The following RIN3 variants were observed in gnomAD, a reference collection of about 807,000 sequenced individuals.
The protein encoded by RIN3 is Ras and Rab interactor 3, also known as RAB5 interacting protein 3.
Under a neutral mutation model 76.3 loss-of-function variants are expected in RIN3, and 54 were observed. The ratio of observed to expected loss-of-function variants is 0.71; its 90% CI spans 0.57 to 0.89. RIN3 has a LOEUF of 0.89. Ranked by LOEUF, RIN3 falls within the 40% of genes least tolerant of loss-of-function variation. The probability of loss-of-function intolerance (pLI) is 0.00; values close to 1 mark genes in which losing one functional copy is unlikely to be tolerated. For synonymous variants in RIN3, 576 were observed against 564.0 expected, an observed-to-expected ratio of 1.02 and a Z score of -0.30; for missense variants, 1,256 against 1,322.1, an observed-to-expected ratio of 0.95 and a Z score of 0.78.
chr14:92,564,679 A>G (rs544139143), intron 2 of RIN3, among the ~76,000 whole-genome samples: 26 of 152,318 alleles, frequency 1.7e-4, no homozygotes, highest in African/African-American at 6.0e-4. Flanking sequence ...GCATGGGGGA[A>G]TCCTAAATCA....
At chr14:92,617,027 G>T (rs10146142) in intron 4 of RIN3, among the ~76,000 whole-genome samples, 48,331 of 152,060 alleles carry the variant, frequency 0.32, 8,629 homozygotes, top group Middle Eastern at 0.43. Flanking sequence ...GGCCAGGCAC[G>T]GTGGCCCACA....
intron 2 of RIN3, among the ~76,000 whole-genome samples, chr14:92,563,834 C>T (rs541491225): frequency 5.9e-5 from 9 of 152,270 alleles, no homozygotes; most frequent in South Asian, 2.1e-4. Context: ...GGCAATATGT[C>T]CCTTTATTCC....
intron 1 of RIN3, among the ~76,000 whole-genome samples, chr14:92,544,130 A>G (rs1897191900): frequency 6.6e-6 from 1 of 152,024 alleles, no homozygotes; most frequent in South Asian, 2.1e-4. Context: ...TGAGTGGCAG[A>G]GTCTCCCTGC....
At chr14:92,520,330 A>G (rs930728632) in intron 1 of RIN3, among the ~76,000 whole-genome samples, 1 of 151,894 alleles carries the variant, frequency 6.6e-6, no homozygotes, top group Non-Finnish European at 1.5e-5. Flanking sequence ...GGCTCTACAC[A>G]CAGGCCTGGA....
In RIN3 at chr14:92,651,978, C is replaced by T. The variant is rs1331384389; in HGVS notation, c.929C>T (p.Pro310Leu). The change falls in exon 6 of 10, where the codon CCT becomes CTT. Residue 310 changes from proline (P) to leucine (L), a missense_variant. Around this residue, in one of 3 missense-constraint regions of RIN3, gnomAD observed 610 missense variants for 626.4 expected, o/e 0.97. Transcript: ENST00000216487. ...LPALAPAPACPLPTSPPVPAP... is the reference protein window; with the variant it reads ...LPALAPAPACLLPTSPPVPAP... Reference sequence around the variant, plus strand: ...GCTCTTGCCCCCGCCCCTGCCTGTCCTTTGCCCACCTCTCCCCCAGTGCCT... The same window carrying T: ...GCTCTTGCCCCCGCCCCTGCCTGTCTTTTGCCCACCTCTCCCCCAGTGCCT... 1.1e-5 allele frequency: 17 copies of T among 1,529,238 alleles called. No homozygotes were observed. Among genetic ancestry groups the T allele is most frequent in the Non-Finnish European group, 1.3e-5 (15 of 1,128,570 alleles). The allele number at this position is 1,529,238 out of a possible 1,614,324, so 94.7% of individuals were successfully genotyped here. A position where few individuals can be genotyped will look rare whatever the true frequency, so the allele number is the denominator to read the frequency against.
intron 1 of RIN3, among the ~76,000 whole-genome samples, chr14:92,538,154 G>C (rs1320160620): frequency 6.6e-6 from 1 of 151,770 alleles, no homozygotes; most frequent in Non-Finnish European, 1.5e-5. Context: ...ATTTTTAGTA[G>C]AGACAGGGTT....
Position 92,648,788 on chromosome 14 carries a change from G to C in RIN3, c.533-2794G>C, listed in dbSNP as rs1432783506. On this transcript the variant is annotated intron_variant, in intron 5 of 9. Transcript: ENST00000216487. This position sits in a 1 kb window ranked among gnomAD's most constrained non-coding sequence, Gnocchi z 4.1. ...GGTCACTGCTGTCACAGGCATATCA[G>C]AGCTGCAGGAACACAGGCGGGGTGG... Among the ~76,000 whole-genome samples, 1 of 152,232 alleles carries C rather than the reference G, an allele frequency of 6.6e-6. No homozygotes were observed. The highest frequency in any genetic ancestry group is 2.4e-5 in the African/African-American group (1 of 41,456).
intron 4 of RIN3, among the ~76,000 whole-genome samples, chr14:92,632,376 G>A (rs865902029): frequency 6.6e-6 from 1 of 152,092 alleles, no homozygotes; most frequent in Non-Finnish European, 1.5e-5. Context: ...CCCTCTAACC[G>A]CTACAGCAAT....
chr14:92,524,357 T>A (rs1230392270), intron 1 of RIN3, among the ~76,000 whole-genome samples: 1 of 152,202 alleles, frequency 6.6e-6, no homozygotes, highest in Non-Finnish European at 1.5e-5. Flanking sequence ...CAAGCTTGTT[T>A]TATGCTGACC....
chr14:92,552,236 TG>T (rs1207354576), intron 1 of RIN3, among the ~76,000 whole-genome samples: 1 of 152,206 alleles, frequency 6.6e-6, no homozygotes, highest in African/African-American at 2.4e-5. Context: ...TGTTGGAGCC[TG>T]GGGCAGAGTT....
chr14:92,531,600 G>A (rs536906364), intron 1 of RIN3, among the ~76,000 whole-genome samples: 24 of 152,322 alleles, frequency 1.6e-4, no homozygotes, highest in East Asian at 3.9e-4. Context: ...CACATGATAC[G>A]CTTATTCCCC....
intron 3 of RIN3, among the ~76,000 whole-genome samples, chr14:92,590,605 C>G (rs1376826094): frequency 6.6e-6 from 1 of 152,174 alleles, no homozygotes; most frequent in Non-Finnish European, 1.5e-5. Flanking sequence ...GAACCATGAG[C>G]CAGTTAAACC....
intron 3 of RIN3, among the ~76,000 whole-genome samples, chr14:92,592,619 A>G (rs1037070371): frequency 6.7e-6 from 1 of 149,940 alleles, no homozygotes; most frequent in African/African-American, 2.5e-5. Flanking sequence ...AATAGTTGTT[A>G]TACTGTATTG....
intron 1 of RIN3, chr14:92,515,061 G>A (rs897289955): frequency 5.3e-6 from 3 of 569,832 alleles, no homozygotes; most frequent in Non-Finnish European, 9.4e-6. Flanking sequence ...GGGGACAGCT[G>A]GAGGTGACTG....
At position 92,651,683 on chromosome 14, in the gene RIN3, C is replaced by A; in HGVS notation, c.634C>A (p.Pro212Thr). 1 of 1,614,086 alleles carries A rather than the reference C, an allele frequency of 6.2e-7. No individual in the cohort carries two copies. The highest frequency in any genetic ancestry group is 8.5e-7 in the Non-Finnish European group (1 of 1,179,980). Residue 212 changes from proline to threonine, a missense_variant, in exon 6 of 10, where the codon CCC (proline) becomes ACC (threonine). By Grantham distance (38) the Pro-to-Thr change is conservative (BLOSUM62 -1). Transcript: ENST00000216487. The stretch of plus-strand genomic sequence containing the variant: ...ATTCCCCCTAGTCTCCAGCCTCAGG[C>A]CCACAGCCCATGACGCAAACTGTGC... ...PGFPLVSSLR[P>T]TAHDANCACE...
intron 7 of RIN3, among the ~76,000 whole-genome samples, chr14:92,667,141 T>C (rs1259541249): frequency 1.3e-5 from 2 of 152,064 alleles, no homozygotes; most frequent in African/African-American, 2.4e-5. Context: ...TATGGAATAA[T>C]GGGCCTTGTG....
chr14:92,569,636 G>A (rs1432447645), intron 2 of RIN3, among the ~76,000 whole-genome samples: 1 of 151,384 alleles, frequency 6.6e-6, no homozygotes, highest in Non-Finnish European at 1.5e-5. Context: ...CAGGGTCCAT[G>A]TCCGAACAAA....
rs368679836 is a variant in RIN3 at position 92,652,464 on chromosome 14, C to T, written c.1415C>T (p.Ser472Leu). 7.2e-5 allele frequency: 116 copies of T among 1,614,014 alleles called. No homozygotes were observed. Among genetic ancestry groups the T allele is most frequent in the African/African-American group, 1.1e-4 (8 of 74,916 alleles). ...RKKRISRQLA[S>L]TLPAPLENAE... ...AAACGGATCTCTCGACAACTGGCCT[C>T]GACCCTCCCAGCTCCCTTAGAGAAC... Residue 472 changes from serine to leucine, a missense_variant, in exon 6 of 10, where the codon TCG (serine) becomes TTG (leucine). By Grantham distance (145) the Ser-to-Leu change is moderately radical. This residue lies in a region of RIN3 where 428 missense variants were observed against 521.2 expected (regional missense o/e 0.82). Coordinates refer to ENST00000216487, the MANE Select transcript of RIN3 (RefSeq NM_024832.5). This position sits in a 1 kb window ranked among gnomAD's most constrained non-coding sequence, Gnocchi z 6.4.
chr14:92,549,002 G>T (rs1442184377), intron 1 of RIN3, among the ~76,000 whole-genome samples: 1 of 148,438 alleles, frequency 6.7e-6, no homozygotes, highest in Non-Finnish European at 1.5e-5. Context: ...GGCATCACCA[G>T]GGCTCCCTCC....
Sources: allele counts gnomAD v4.1 joint callset (sites outside exome capture counted in the v4.1 genomes callset), GRCh38; gene constraint gnomAD v4.1.1; regional missense constraint gnomAD v4.1.1; non-coding constraint Gnocchi (gnomAD v3.1); transcripts MANE v1.5; gene names NCBI Gene and HGNC (gene_info 2026-07-23, HGNC 2026-07-21).